The following CDH18 variants were observed in gnomAD, a reference collection of about 807,000 sequenced individuals.
CDH18 encodes the protein cadherin-18.
A neutral mutation model predicts 67.9 loss-of-function variants in CDH18; 31 were observed. The ratio of observed to expected loss-of-function variants is 0.46; its 90% CI spans 0.34 to 0.62. The LOEUF is 0.62. CDH18 is among the 20% of genes least tolerant of loss of function. The pLI, the probability that CDH18 is intolerant of heterozygous loss-of-function variation, is 0.01. For missense variants in CDH18, 890 were observed against 975.5 expected (o/e 0.91, Z 1.17); for synonymous variants, 362 against 347.2 (o/e 1.04, Z -0.48).
chr5:19,499,180 A>T (rs1742825898), intron 11 of CDH18, among the ~76,000 whole-genome samples: 1 of 152,190 alleles, frequency 6.6e-6, no homozygotes, highest in Non-Finnish European at 1.5e-5. Flanking sequence ...AAAAGAAAAC[A>T]TTACCACTTA....
intron 2 of CDH18, among the ~76,000 whole-genome samples, chr5:19,881,757 C>T (rs1164494380): frequency 2.0e-5 from 3 of 152,038 alleles, no homozygotes; most frequent in Admixed American, 1.3e-4. Context: ...CCACCCGCCT[C>T]GACCTCCCAA....
intron 11 of CDH18, among the ~76,000 whole-genome samples, chr5:19,494,919 T>C (rs1203358277): frequency 2.6e-5 from 4 of 152,202 alleles, no homozygotes; most frequent in African/African-American, 9.6e-5. Context: ...TCTTAGGCTA[T>C]AATTTCTGTC....
intron 5 of CDH18, among the ~76,000 whole-genome samples, chr5:19,668,875 A>G (rs1484419340): frequency 6.6e-6 from 1 of 151,924 alleles, no homozygotes; most frequent in Non-Finnish European, 1.5e-5. Context: ...CTGGTTTCAA[A>G]GCAGGCCATT....
chr5:19,703,510 A>T (rs1321702850), intron 5 of CDH18, among the ~76,000 whole-genome samples: 2 of 151,982 alleles, frequency 1.3e-5, no homozygotes, highest in Non-Finnish European at 2.9e-5. Context: ...ACCCTTCTGC[A>T]CCCCCTCATT....
At chr5:20,120,282 C>T (rs546077184) in intron 2 of CDH18, among the ~76,000 whole-genome samples, 1 of 152,198 alleles carries the variant, frequency 6.6e-6, no homozygotes, top group East Asian at 1.9e-4. Context: ...ATCAGCACTT[C>T]CTAAAGCAAG....
chr5:20,382,145 C>T (rs1743958186), intron 1 of CDH18, among the ~76,000 whole-genome samples: 1 of 151,946 alleles, frequency 6.6e-6, no homozygotes, highest in South Asian at 2.1e-4. Flanking sequence ...AGTCATTAGC[C>T]AACATTAGCC....
At position 20,290,257 on chromosome 5, in the gene CDH18, C is replaced by A. The variant is rs566589778; in HGVS notation, c.-579-34752G>T. ...TGTTTTAGCAAGCTCTCCAGGAAAT[C>A]CTTCTATGCATTAATGCTTGAGAAT... On this transcript the variant is annotated intron_variant, in intron 1 of 14. Coordinates refer to the CDH18 transcript ENST00000507958. Among the ~76,000 whole-genome samples the A allele has an allele frequency of 1.6e-4, 25 of 152,226 alleles. No homozygotes were observed. In the South Asian group the frequency reaches 5.2e-3, roughly 32 times the overall value.
intron 1 of CDH18, among the ~76,000 whole-genome samples, chr5:20,452,130 T>C (rs1280190713): frequency 6.6e-6 from 1 of 152,186 alleles, no homozygotes; most frequent in Non-Finnish European, 1.5e-5. Context: ...GAGATATATT[T>C]CACAGAGGTT....
chr5:19,746,818 T>C, intron 4 of CDH18, 124 bp downstream of exon 4: 1 of 768,728 alleles, frequency 1.3e-6, no homozygotes, highest in Non-Finnish European at 2.1e-6. Context: ...ACTAAAATAT[T>C]TTGAAACTTC....
chr5:20,003,573 ATG>A (rs1736623315), intron 2 of CDH18, among the ~76,000 whole-genome samples: 2 of 152,092 alleles, frequency 1.3e-5, no homozygotes, highest in Admixed American at 6.5e-5. Context: ...CTACTAACAA[ATG>A]ATTTTATATC....
chr5:19,490,878 C>A (rs945355591), intron 11 of CDH18, among the ~76,000 whole-genome samples: 3 of 151,898 alleles, frequency 2.0e-5, no homozygotes, highest in Admixed American at 1.3e-4. Flanking sequence ...AAACAACAAT[C>A]AATGTTTCTA....
At chr5:20,086,811 C>T (rs1744994226) in intron 2 of CDH18, among the ~76,000 whole-genome samples, 1 of 152,070 alleles carries the variant, frequency 6.6e-6, no homozygotes, top group Non-Finnish European at 1.5e-5. Context: ...ACCTGGTCAC[C>T]CAAGAGCTTT....
In CDH18 at chr5:20,242,601, A is replaced by ATATAT. The variant is rs1454331020; in HGVS notation, c.-518+12842_-518+12843insATATA. ...GGTTTTGGGTTTCATTGAGGGAAAA[A>ATATAT]AAAAAAAAAAATATATATATATATA... On this transcript the variant is annotated intron_variant, in intron 2 of 14. Transcript: ENST00000507958. Among the ~76,000 whole-genome samples the ATATAT allele has an allele frequency of 3.8e-4, 21 of 55,832 alleles. 1 individual carries two copies. Among genetic ancestry groups the ATATAT allele is most frequent in the African/African-American group, 1.8e-3 (19 of 10,570 alleles). The allele number at this position is 55,832 out of a possible 152,430, so 36.6% of individuals were successfully genotyped here.
chr5:20,495,152 T>C (rs928680430), intron 1 of CDH18, among the ~76,000 whole-genome samples: 1 of 152,132 alleles, frequency 6.6e-6, no homozygotes, highest in African/African-American at 2.4e-5. Flanking sequence ...TTCTCTACCG[T>C]ATGAATATTT....
At chr5:19,920,556 T>C (rs1579599132) in intron 2 of CDH18, among the ~76,000 whole-genome samples, 1 of 144,210 alleles carries the variant, frequency 6.9e-6, no homozygotes, top group East Asian at 2.1e-4. Context: ...CCCTGTCGCC[T>C]AGTCTGGAGT....
chr5:20,217,236 AAT>A (rs1455459761), intron 2 of CDH18, among the ~76,000 whole-genome samples: 1 of 151,906 alleles, frequency 6.6e-6, no homozygotes, highest in Non-Finnish European at 1.5e-5. Context: ...CAGAAAACAG[AAT>A]ATTATAACAC....
At position 19,865,149 on chromosome 5, in the gene CDH18, G is replaced by A. The variant is rs369939769; in HGVS notation, c.-256-25907C>T. Reference sequence around the variant, plus strand: ...TTTCGCTTTACAAAATAAACCGTCTGCATGCAAGCCCTTAAATAAAGCCAC... The same window carrying A: ...TTTCGCTTTACAAAATAAACCGTCTACATGCAAGCCCTTAAATAAAGCCAC... On this transcript the variant is annotated intron_variant, in intron 2 of 12. Coordinates refer to ENST00000382275, the MANE Select transcript of CDH18 (RefSeq NM_004934.5). Among the ~76,000 whole-genome samples the A allele has an allele frequency of 3.4e-4, 51 of 152,186 alleles. 1 individual carries two copies. The East Asian group carries it at 5.8e-3, about 17-fold the overall frequency.
chr5:19,694,485 T>C (rs1762291254), intron 5 of CDH18, among the ~76,000 whole-genome samples: 1 of 152,216 alleles, frequency 6.6e-6, no homozygotes, highest in Admixed American at 6.5e-5. Context: ...TTTGGACATG[T>C]CTTAAATCAC....
intron 5 of CDH18, among the ~76,000 whole-genome samples, chr5:19,696,657 G>A (rs1762582059): frequency 1.3e-5 from 2 of 152,002 alleles, no homozygotes; most frequent in African/African-American, 4.8e-5. Flanking sequence ...GCCTCCCAAA[G>A]TGCTGGGATT....
Sources: allele counts gnomAD v4.1 joint callset (sites outside exome capture counted in the v4.1 genomes callset), GRCh38; gene constraint gnomAD v4.1.1; transcripts MANE v1.5; gene names NCBI Gene and HGNC (gene_info 2026-07-23, HGNC 2026-07-21).